The following RBFOX1 variants were observed in gnomAD, a reference collection of about 807,000 sequenced individuals.
RBFOX1 encodes the protein RNA binding protein fox-1 homolog 1.
Under a neutral mutation model 57.7 loss-of-function variants are expected in RBFOX1, and 8 were observed. The ratio of observed to expected loss-of-function variants is 0.14; its 90% confidence interval spans 0.08 to 0.25. The LOEUF is 0.25. RBFOX1 is among the 10% of genes least tolerant of loss of function. The pLI is 1.00. For missense variants in RBFOX1, 611 were observed against 548.5 expected, an observed-to-expected ratio of 1.11 and a Z score of -1.14; for synonymous variants, 326 against 222.4, an observed-to-expected ratio of 1.47 and a Z score of -4.15.
chr16:7,104,348 G>C (rs1399448755), intron 4 of RBFOX1, among the ~76,000 whole-genome samples: 1 of 152,156 alleles, frequency 6.6e-6, no homozygotes, highest in East Asian at 1.9e-4. Context: ...GACCAGTGTA[G>C]CTTGAACATC....
intron 2 of RBFOX1, among the ~76,000 whole-genome samples, chr16:6,589,504 G>C (rs1033799577): frequency 2.0e-4 from 31 of 152,188 alleles, no homozygotes; most frequent in African/African-American, 7.0e-4. Context: ...TGATCCATAT[G>C]GGTGATGCCC....
intron 4 of RBFOX1, among the ~76,000 whole-genome samples, chr16:7,457,369 T>C (rs1369026339): frequency 2.6e-5 from 4 of 152,190 alleles, no homozygotes; most frequent in African/African-American, 7.2e-5. Context: ...AGAATGACAG[T>C]TTTAACATTA....
intron 2 of RBFOX1, among the ~76,000 whole-genome samples, chr16:6,497,964 C>G (rs1458104016): frequency 1.3e-5 from 2 of 152,062 alleles, no homozygotes; most frequent in African/African-American, 4.8e-5. Context: ...GATGACAATT[C>G]CAGGCCAGGC....
In RBFOX1 at chr16:6,483,117, A is replaced by G. The variant is rs987708604; in HGVS notation, c.-64+166060A>G. 1.2e-5 allele frequency: 12 copies of G among 1,032,030 alleles called. No homozygotes were observed. In the Admixed American group the frequency reaches 1.8e-4, roughly 15 times the overall value. The allele number at this position is 1,032,030 out of a possible 1,614,324, so 63.9% of individuals were successfully genotyped here. A position where few individuals can be genotyped will look rare whatever the true frequency, so the allele number is the denominator to read the frequency against. On this transcript the variant is annotated intron_variant, in intron 2 of 15. Coordinates refer to ENST00000550418, the MANE Select transcript of RBFOX1 (RefSeq NM_018723.4). ...GGGGCGGGACCCACGCAGCCCCAGT[A>G]TCCACTGCCTTCCCCCAGCTGCAAG...
intron 3 of RBFOX1, among the ~76,000 whole-genome samples, chr16:6,664,766 C>T (rs2098721634): frequency 6.6e-6 from 1 of 152,140 alleles, no homozygotes; most frequent in South Asian, 2.1e-4. Flanking sequence ...GCCAAGAAAT[C>T]CTCAGCAGTT....
intron 2 of RBFOX1, among the ~76,000 whole-genome samples, chr16:6,653,705 G>T (rs534439134): frequency 2.7e-4 from 41 of 151,446 alleles, no homozygotes; most frequent in Non-Finnish European, 4.3e-4. Context: ...AAGGAAAGAT[G>T]GATGAATAGA....
chr16:6,096,483 T>C (rs1338476567), intron 1 of RBFOX1, among the ~76,000 whole-genome samples: 1 of 152,166 alleles, frequency 6.6e-6, no homozygotes, highest in Non-Finnish European at 1.5e-5. Flanking sequence ...TGTAGAACTT[T>C]GCGGATAGTT....
chr16:7,618,520 G>A lies in RBFOX1; in HGVS notation c.676+11182G>A, dbSNP rs569137968. Among the ~76,000 whole-genome samples, 22 of 151,990 alleles carry A rather than the reference G, an allele frequency of 1.4e-4. No homozygotes were observed. The East Asian group carries it at 3.7e-3, about 25-fold the overall frequency. ...AAGTAAATTACCAGCGATTTCAAACGCAAGGTGACATGTTTTTTTTTAATG... is the reference window on the plus strand; with the variant it reads ...AAGTAAATTACCAGCGATTTCAAACACAAGGTGACATGTTTTTTTTTAATG... On this transcript the variant is annotated intron_variant, in intron 10 of 15. Coordinates refer to ENST00000550418, the MANE Select transcript of RBFOX1 (RefSeq NM_018723.4).
At chr16:7,348,048 CT>C (rs2097052212) in intron 4 of RBFOX1, among the ~76,000 whole-genome samples, 1 of 152,206 alleles carries the variant, frequency 6.6e-6, no homozygotes, top group Non-Finnish European at 1.5e-5. Flanking sequence ...TCGTTGCCTC[CT>C]TTGACTTCTG....
In RBFOX1 at chr16:6,469,763, A is replaced by G. The variant is rs137980314; in HGVS notation, c.-64+152706A>G. 3.2e-3 allele frequency among the ~76,000 whole-genome samples: 484 copies of G among 152,300 alleles called. 2 individuals carry two copies. The highest frequency in any genetic ancestry group is 0.011 in the African/African-American group (463 of 41,572). Reference sequence around the variant, plus strand: ...GAATCGGAACTTTGAGCTTCCTGCAAAAGGAATATTTAAGCATCTCTGTAT... The same window carrying G: ...GAATCGGAACTTTGAGCTTCCTGCAGAAGGAATATTTAAGCATCTCTGTAT... On this transcript the variant is annotated intron_variant, in intron 2 of 15. Coordinates refer to ENST00000550418, the MANE Select transcript of RBFOX1 (RefSeq NM_018723.4).
At chr16:7,287,227 CT>C (rs1294484415) in intron 4 of RBFOX1, among the ~76,000 whole-genome samples, 7 of 152,104 alleles carry the variant, frequency 4.6e-5, no homozygotes, top group Non-Finnish European at 8.8e-5. Context: ...GTACAAAGAG[CT>C]AGTAAAGACA....
intron 4 of RBFOX1, among the ~76,000 whole-genome samples, chr16:7,504,731 A>ATT (rs1383633995): frequency 1.2e-3 from 9 of 7,286 alleles, no homozygotes; most frequent in South Asian, 5.7e-3. Flanking sequence ...ATATATATAT[A>ATT]TATATATATA....
chr16:7,159,423 A>G (rs1054589261), intron 4 of RBFOX1, among the ~76,000 whole-genome samples: 2 of 152,118 alleles, frequency 1.3e-5, no homozygotes, highest in African/African-American at 4.8e-5. Flanking sequence ...CAGGATTAGC[A>G]TCTATGTCAC....
rs543219703 is a variant in RBFOX1, at chr16:6,159,356, C to T, written c.-127+139364C>T. On this transcript the variant is annotated intron_variant, in intron 1 of 15. Coordinates refer to ENST00000550418, the MANE Select transcript of RBFOX1 (RefSeq NM_018723.4). ...CCTCCCAAAGTGCTGGGATTACAGG[C>T]GTGAGCCACCGCACACGGCCTCTGT... 4.6e-5 allele frequency among the ~76,000 whole-genome samples: 7 copies of T among 152,290 alleles called. No homozygotes were observed. In the South Asian group the frequency reaches 1.0e-3, roughly 23 times the overall value.
chr16:7,082,603 CT>C (rs1194880126), intron 4 of RBFOX1, among the ~76,000 whole-genome samples: 2 of 151,952 alleles, frequency 1.3e-5, no homozygotes, highest in Admixed American at 6.6e-5. Flanking sequence ...GGTTTCAGCA[CT>C]GATTCAGTTG....
At chr16:6,932,536 G>A (rs566021488) in intron 3 of RBFOX1, among the ~76,000 whole-genome samples, 2 of 152,204 alleles carry the variant, frequency 1.3e-5, no homozygotes, top group African/African-American at 4.8e-5. Context: ...GCTTCCAAGT[G>A]TCTCACCTAT....
At chr16:6,973,621 AT>A (rs2086097848) in intron 3 of RBFOX1, among the ~76,000 whole-genome samples, 1 of 152,126 alleles carries the variant, frequency 6.6e-6, no homozygotes, top group Admixed American at 6.6e-5. Flanking sequence ...TTTGACAGTT[AT>A]CAAAGAAACA....
At chr16:5,826,979 C>T (rs1343129212) in intron 3 of RBFOX1, among the ~76,000 whole-genome samples, 1 of 152,170 alleles carries the variant, frequency 6.6e-6, no homozygotes, top group African/African-American at 2.4e-5. Flanking sequence ...AGTGCACCTT[C>T]AATGACATAG....
chr16:7,025,290 C>T (rs1447559932), intron 3 of RBFOX1, among the ~76,000 whole-genome samples: 7 of 152,048 alleles, frequency 4.6e-5, no homozygotes, highest in African/African-American at 1.4e-4. Flanking sequence ...TCATGGCGCT[C>T]GTGAGTATAG....
Sources: gnomAD v4.1 joint callset for allele counts (sites outside exome capture counted in the v4.1 genomes callset) on GRCh38, gnomAD v4.1.1 for gene constraint, MANE v1.5 for transcripts, NCBI Gene and HGNC (gene_info 2026-07-23, HGNC 2026-07-21) for gene names.